VPS13B: variants seen among roughly 807,000 people sequenced by gnomAD.
VPS13B encodes intermembrane lipid transfer protein VPS13B.
VPS13B carries 285 observed loss-of-function variants against 426.4 expected under a neutral mutation model. That is an observed-to-expected ratio of 0.67 (90% CI 0.61 to 0.74). The LOEUF (loss-of-function observed/expected upper bound fraction) is 0.74. VPS13B is among the 30% of genes least tolerant of loss of function. VPS13B has a pLI of 0.00. For synonymous variants in VPS13B, 1,676 were observed against 1,676.4 expected (o/e 1.00, Z 0.01); for missense variants, 4,537 against 4,782.6 (o/e 0.95, Z 1.51).
At chr8:99,343,097 C>CT (rs759780417) in intron 19 of VPS13B, among the ~76,000 whole-genome samples, 3,164 of 142,180 alleles carry the variant, frequency 0.022, 104 homozygotes, top group African/African-American at 0.07. Context: ...ATTTTTCTTT[C>CT]TTTTTTTTTT....
At chr8:99,274,056 A>G (rs1295254522) in intron 17 of VPS13B, 142 bp from the exon 18 acceptor site, 3 of 1,204,512 alleles carry the variant, frequency 2.5e-6, no homozygotes, top group Non-Finnish European at 3.5e-6. Context: ...CTGAAATACT[A>G]AACTATGAAA....
At chr8:99,244,453 G>A (rs1316709625) in intron 17 of VPS13B, among the ~76,000 whole-genome samples, 1 of 152,124 alleles carries the variant, frequency 6.6e-6, no homozygotes, top group African/African-American at 2.4e-5. Context: ...TTTTCTTGCA[G>A]CTTTACTAAG....
At chr8:99,856,606 C>T (rs1007954134) in intron 56 of VPS13B, among the ~76,000 whole-genome samples, 1 of 152,166 alleles carries the variant, frequency 6.6e-6, no homozygotes, top group Non-Finnish European at 1.5e-5. Context: ...TTTGGGAGGC[C>T]GAGGTGGGCG....
chr8:99,315,712 C>T (rs543484179), intron 19 of VPS13B, among the ~76,000 whole-genome samples: 2 of 151,592 alleles, frequency 1.3e-5, no homozygotes, highest in Non-Finnish European at 2.9e-5. Flanking sequence ...TCTCTGTTAG[C>T]TGCAAGCTCC....
chr8:99,333,842 A>C (rs1459829545), intron 19 of VPS13B, among the ~76,000 whole-genome samples: 1 of 152,000 alleles, frequency 6.6e-6, no homozygotes, highest in East Asian at 1.9e-4. Context: ...TGTATGTATC[A>C]GTGTCTAGTG....
intron 19 of VPS13B, among the ~76,000 whole-genome samples, chr8:99,291,820 T>C (rs934641770): frequency 6.6e-6 from 1 of 152,136 alleles, no homozygotes; most frequent in Non-Finnish European, 1.5e-5. Context: ...TTAGCTTACA[T>C]TGTTTTCTTT....
chr8:99,352,871 C>T (rs901563227), intron 19 of VPS13B, among the ~76,000 whole-genome samples: 1 of 151,608 alleles, frequency 6.6e-6, no homozygotes, highest in Admixed American at 6.6e-5. Context: ...ATGTCTTTTC[C>T]AAAGGGCAAA....
intron 17 of VPS13B, among the ~76,000 whole-genome samples, chr8:99,236,723 A>G (rs750697941): frequency 2.0e-5 from 3 of 152,226 alleles, no homozygotes; most frequent in Admixed American, 6.5e-5. Flanking sequence ...GTCCTATTAC[A>G]TTCACCCTAT....
At chr8:99,864,668 T>C (rs1367085136) in intron 58 of VPS13B, among the ~76,000 whole-genome samples, 2 of 152,208 alleles carry the variant, frequency 1.3e-5, no homozygotes, top group South Asian at 2.1e-4. Flanking sequence ...TTAATAAAAA[T>C]ATATTAAAGG....
chr8:99,767,595 A>T (rs1811291364), intron 40 of VPS13B, among the ~76,000 whole-genome samples: 1 of 151,994 alleles, frequency 6.6e-6, no homozygotes, highest in Admixed American at 6.6e-5. Context: ...TTATACAGAT[A>T]AAGTTTTATC....
rs1456121906 is a variant in VPS13B at position 99,134,643 on chromosome 8, G to A, written c.1218G>A (p.Met406Ile). ...CTTATATTTCTTAGCTCACAGAAAT[G>A]CAAGTTGAGAGTAGTTATTACAGTC... is the stretch of plus-strand genomic sequence containing the variant. ...KATVTFKLTEMQVESSYYSPQ... is the reference protein window; with the variant it reads ...KATVTFKLTEIQVESSYYSPQ... Residue 406 changes from methionine (M) to isoleucine (I), a missense_variant, in exon 9 of 62, where the codon ATG becomes ATA. Met to Ile is a conservative substitution (Grantham distance 10). This residue lies in a region of VPS13B where 4,311 missense variants were observed against 4,474.3 expected (regional missense o/e 0.96). Coordinates refer to ENST00000357162, the MANE Select transcript of VPS13B (RefSeq NM_152564.5). 3 of 1,605,790 alleles carry A rather than the reference G, an allele frequency of 1.9e-6. No homozygotes were observed. Among genetic ancestry groups the A allele is most frequent in the South Asian group, 1.1e-5 (1 of 89,062 alleles).
At chr8:99,205,592 T>C (rs1814662754) in intron 17 of VPS13B, among the ~76,000 whole-genome samples, 2 of 152,220 alleles carry the variant, frequency 1.3e-5, no homozygotes, top group South Asian at 2.1e-4. Flanking sequence ...GTGAGCTGTA[T>C]AATGTAAGGA....
At chr8:99,579,778 A>G (rs891142341) in intron 33 of VPS13B, among the ~76,000 whole-genome samples, 7 of 149,922 alleles carry the variant, frequency 4.7e-5, no homozygotes, top group Admixed American at 2.7e-4. Flanking sequence ...GCTCACTGCA[A>G]TCTCCACCTC....
chr8:99,608,636 C>A (rs1827707300), intron 33 of VPS13B, among the ~76,000 whole-genome samples: 1 of 152,030 alleles, frequency 6.6e-6, no homozygotes, highest in Admixed American at 6.6e-5. Context: ...AAAAAGAAAC[C>A]TCATAACTAC....
At chr8:99,667,299 A>G (rs1216954265) in intron 35 of VPS13B, among the ~76,000 whole-genome samples, 1 of 100,650 alleles carries the variant, frequency 9.9e-6, no homozygotes, top group Non-Finnish European at 2.1e-5. Context: ...AAAATTATAC[A>G]TGACTTATCA....
chr8:99,076,930 G>C (rs951617955), intron 3 of VPS13B, among the ~76,000 whole-genome samples: 1 of 151,852 alleles, frequency 6.6e-6, no homozygotes, highest in African/African-American at 2.4e-5. Context: ...TATATCCTTT[G>C]TTCCTTTTTC....
chr8:99,070,679 T>C (rs996094057), intron 3 of VPS13B, among the ~76,000 whole-genome samples: 1 of 152,212 alleles, frequency 6.6e-6, no homozygotes, highest in African/African-American at 2.4e-5. Context: ...TCTCGAATTT[T>C]ATTTCTTAGT....
At position 99,204,848 on chromosome 8, in the gene VPS13B, G is replaced by A. The variant is rs1588139098; in HGVS notation, c.2515+11791G>A. Among the ~76,000 whole-genome samples the A allele has an allele frequency of 4.6e-5, 7 of 152,234 alleles. 2 individuals are homozygous for A. Among genetic ancestry groups the A allele is most frequent in the Admixed American group, 4.6e-4 (7 of 15,284 alleles). On this transcript the variant is annotated intron_variant, in intron 17 of 61. Coordinates refer to ENST00000357162, the MANE Select transcript of VPS13B (RefSeq NM_152564.5). ...TAGAATGGTGATCATTAAAAAGTCA[G>A]GAAACAACAGATGCTGGAGAGGATG...
At chr8:99,661,617 T>C in intron 35 of VPS13B, 126 bp downstream of exon 35, 2 of 1,208,534 alleles carry the variant, frequency 1.7e-6, no homozygotes, top group Non-Finnish European at 2.3e-6. Context: ...TTCCCAGAGG[T>C]GTATGCTTTT....
Sources: gnomAD v4.1 joint callset for allele counts (sites outside exome capture counted in the v4.1 genomes callset) on GRCh38, gnomAD v4.1.1 for gene constraint, gnomAD v4.1.1 regional missense constraint, MANE v1.5 for transcripts, NCBI Gene and HGNC (gene_info 2026-07-23, HGNC 2026-07-21) for gene names.